ARAP2: variants seen among roughly 807,000 people sequenced by gnomAD.
The protein encoded by ARAP2 is ArfGAP with RhoGAP domain, ankyrin repeat and PH domain 2.
ARAP2 carries 148 observed loss-of-function variants against 194.5 expected under a neutral mutation model. The observed-to-expected ratio is 0.76, with a 90% CI of 0.67 to 0.87. The LOEUF (loss-of-function observed/expected upper bound fraction) is 0.87, where lower values mean the gene tolerates loss of function less well. Ranked by LOEUF, ARAP2 falls within the 40% of genes least tolerant of loss-of-function variation. The pLI is 0.00. For synonymous variants in ARAP2, 695 were observed against 683.5 expected, an observed-to-expected ratio of 1.02 and a Z score of -0.26; for missense variants, 2,128 against 1,989.7, an observed-to-expected ratio of 1.07 and a Z score of -1.32.
At chr4:36,195,696 A>G (rs1259225336) in intron 6 of ARAP2, among the ~76,000 whole-genome samples, 1 of 152,204 alleles carries the variant, frequency 6.6e-6, no homozygotes, top group East Asian at 1.9e-4. Context: ...CTTATCTTTC[A>G]GTTACATCTA....
rs1375425096 is a variant in ARAP2 at position 36,229,482 on chromosome 4, G to A, written c.5C>T (p.Ser2Phe). The A allele has an allele frequency of 6.2e-7, 1 of 1,601,010 alleles. No homozygotes were observed. The highest frequency in any genetic ancestry group is 8.5e-7 in the Non-Finnish European group (1 of 1,172,384). ...ATCCACATTTACTTCACTGACTGAG[G>A]ACATAATGGTGGCTTCATTACTAAG... is the stretch of plus-strand genomic sequence containing the variant. M[S>F]SVSEVNVDIK... The change falls in exon 2 of 33, where the codon TCC becomes TTC. Residue 2 changes from serine (S) to phenylalanine (F), a missense_variant. Ser to Phe is a radical substitution (Grantham distance 155). Transcript: ENST00000303965.
intron 8 of ARAP2, among the ~76,000 whole-genome samples, chr4:36,013,584 C>G (rs1158540319): frequency 6.6e-6 from 1 of 152,064 alleles, no homozygotes; most frequent in Non-Finnish European, 1.5e-5. Flanking sequence ...GGATTTAGAT[C>G]AAGATAGGTT....
intron 21 of ARAP2, among the ~76,000 whole-genome samples, chr4:36,128,243 T>C (rs920100330): frequency 6.6e-6 from 1 of 151,934 alleles, no homozygotes; most frequent in African/African-American, 2.4e-5. Context: ...ACTGTAACAT[T>C]CCAAAGTTGA....
chr4:36,146,743 A>G (rs1022759497), intron 19 of ARAP2, among the ~76,000 whole-genome samples: 3 of 152,076 alleles, frequency 2.0e-5, no homozygotes, highest in Admixed American at 6.6e-5. Context: ...AGAATAGCAT[A>G]TAATTATTTT....
chr4:36,100,373 T>G (rs912283171), intron 27 of ARAP2, among the ~76,000 whole-genome samples: 6 of 151,786 alleles, frequency 4.0e-5, no homozygotes, highest in Admixed American at 1.3e-4. Context: ...TGGCAAAGAC[T>G]ATTTCTTCAG....
intron 9 of ARAP2, among the ~76,000 whole-genome samples, chr4:36,173,310 T>A (rs1373895912): frequency 6.6e-6 from 1 of 152,208 alleles, no homozygotes; most frequent in African/African-American, 2.4e-5. Flanking sequence ...ATTTAAGAAT[T>A]CATATATTTA....
At chr4:36,233,259 T>C (rs1024562435) in intron 1 of ARAP2, among the ~76,000 whole-genome samples, 2 of 152,206 alleles carry the variant, frequency 1.3e-5, no homozygotes, top group Non-Finnish European at 2.9e-5. Context: ...AGCTCCTTAA[T>C]ACGAAATTGA....
chr4:36,186,430 T>C (rs1740585621), intron 8 of ARAP2, among the ~76,000 whole-genome samples: 1 of 152,172 alleles, frequency 6.6e-6, no homozygotes, highest in Non-Finnish European at 1.5e-5. Flanking sequence ...CCATAGATGA[T>C]ATAGATGAAA....
rs765909923 is a variant in ARAP2, at chr4:36,213,259, C to A, written c.1025G>T (p.Arg342Ile). Residue 342 changes from arginine (R) to isoleucine (I), a missense_variant, in exon 4 of 33, where the codon AGA becomes ATA. Coordinates refer to ENST00000303965, the MANE Select transcript of ARAP2 (RefSeq NM_015230.4). ...FPYGETFLFQRLENSKKRSIK... is the reference protein window; with the variant it reads ...FPYGETFLFQILENSKKRSIK... ...GGGACTAACCTTGGAATTTTCTAGT[C>A]TCTGGAAGAGAAAGGTCTCTCCATA... 94 of 1,604,618 alleles carry A rather than the reference C, an allele frequency of 5.9e-5. No individual in the cohort carries two copies. Among genetic ancestry groups the A allele is most frequent in the Non-Finnish European group, 7.7e-5 (90 of 1,172,274 alleles).
downstream of ARAP2, chr4:36,065,173 G>T: frequency 3.1e-6 from 1 of 318,874 alleles, no homozygotes; most frequent in South Asian, 3.0e-5. Flanking sequence ...TCTTACACAC[G>T]GGCTTCATGT....
At chr4:36,024,249 A>G (rs1010701164) in intron 5 of ARAP2, among the ~76,000 whole-genome samples, 20 of 152,192 alleles carry the variant, frequency 1.3e-4, no homozygotes, top group African/African-American at 4.6e-4. Flanking sequence ...ACAACGATTT[A>G]TGAATATATA....
In ARAP2 at chr4:36,187,585, A is replaced by G; in HGVS notation, c.1558-14T>C. 2.6e-6 allele frequency: 4 copies of G among 1,529,312 alleles called. No homozygotes were observed. Among genetic ancestry groups the G allele is most frequent in the Non-Finnish European group, 3.5e-6 (4 of 1,146,610 alleles). 94.7% of individuals were successfully genotyped at this position (1,529,312 alleles called of 1,614,324 possible). On this transcript the variant is annotated splice_polypyrimidine_tract_variant and intron_variant, in intron 7 of 32. Transcript: ENST00000303965. ...CGAATACATCTCCTGTATTGGTTAG[A>G]AAAAAAGAGAAGACATATGAAAACG...
chr4:36,125,462 T>C (rs975227642), intron 21 of ARAP2, among the ~76,000 whole-genome samples: 2 of 152,018 alleles, frequency 1.3e-5, no homozygotes, highest in African/African-American at 4.8e-5. Flanking sequence ...ATCCTGGAAC[T>C]ATGAACTGTA....
intron 1 of ARAP2, among the ~76,000 whole-genome samples, chr4:36,232,538 A>T (rs1389481920): frequency 1.3e-5 from 2 of 152,218 alleles, no homozygotes; most frequent in African/African-American, 4.8e-5. Flanking sequence ...CTCATATTCA[A>T]CCCTTGCCAA....
At chr4:36,206,331 T>C (rs1246833046) in intron 6 of ARAP2, among the ~76,000 whole-genome samples, 1 of 152,192 alleles carries the variant, frequency 6.6e-6, no homozygotes, top group African/African-American at 2.4e-5. Context: ...TCACTTTCCC[T>C]AGTTACCTGT....
intron 9 of ARAP2, among the ~76,000 whole-genome samples, chr4:36,170,483 C>T (rs145263905): frequency 2.5e-3 from 378 of 152,252 alleles, no homozygotes; most frequent in Non-Finnish European, 4.1e-3. Context: ...GCAATCAGAA[C>T]ATACAAAAAC....
intron 30 of ARAP2, among the ~76,000 whole-genome samples, chr4:36,080,568 T>C (rs1257248446): frequency 1.3e-5 from 2 of 152,228 alleles, no homozygotes; most frequent in African/African-American, 2.4e-5. Context: ...AAGATTTATT[T>C]CATTTTGCCT....
chr4:36,041,260 A>G (rs963044331), intron 5 of ARAP2, among the ~76,000 whole-genome samples: 14 of 152,180 alleles, frequency 9.2e-5, no homozygotes, highest in Non-Finnish European at 1.3e-4. Context: ...GAATGGGAGA[A>G]AAAGTTTGCA....
chr4:36,101,859 C>A (rs2109434820), intron 27 of ARAP2, among the ~76,000 whole-genome samples: 1 of 152,096 alleles, frequency 6.6e-6, no homozygotes, highest in Admixed American at 6.6e-5. Context: ...TTACCATGAC[C>A]ACCATCACTA....
Sources: allele counts gnomAD v4.1 joint callset (sites outside exome capture counted in the v4.1 genomes callset), GRCh38; gene constraint gnomAD v4.1.1; transcripts MANE v1.5; gene names NCBI Gene and HGNC (gene_info 2026-07-23, HGNC 2026-07-21).